ACTR3C: variants seen among roughly 807,000 people sequenced by gnomAD.
The protein encoded by ACTR3C is actin-related protein 3C.
In ACTR3C, 18 loss-of-function variants were observed where a neutral mutation model predicts 26.3. That is an observed-to-expected ratio of 0.68 (90% CI 0.47 to 1.01). The LOEUF (loss-of-function observed/expected upper bound fraction) is 1.01, where lower values mean the gene tolerates loss of function less well. Among genes scored for constraint, ACTR3C ranks in the 50% least tolerant of loss-of-function variants. The pLI is 0.00. For missense variants in ACTR3C, 184 were observed against 250.7 expected (o/e 0.73, Z 1.80); for synonymous variants, 55 against 94.5 (o/e 0.58, Z 2.42).
At chr7:149,953,299 T>G in the ACTR3C span, among the ~76,000 whole-genome samples, 3 of 149,540 alleles carry the variant, frequency 2.0e-5, no homozygotes, top group African/African-American at 7.7e-5. Context: ...AGAAAGAATT[T>G]TGCCAACTTG....
chr7:150,041,737 G>C, the ACTR3C span, among the ~76,000 whole-genome samples: 2 of 145,782 alleles, frequency 1.4e-5, no homozygotes, highest in East Asian at 2.1e-4. Context: ...CTGCGATGGG[G>C]GTCCTAAGAG....
downstream of ACTR3C, among the ~76,000 whole-genome samples, chr7:150,242,478 A>G (rs533229724): frequency 6.2e-4 from 94 of 151,336 alleles, no homozygotes; most frequent in Middle Eastern, 0.01. Flanking sequence ...AAACATGTAT[A>G]AAATTGCATC....
chr7:149,969,944 G>A, the ACTR3C span, among the ~76,000 whole-genome samples: 1 of 152,136 alleles, frequency 6.6e-6, no homozygotes, highest in Admixed American at 6.5e-5. Context: ...CCAAGGAGCT[G>A]GAAGGGGTGG....
chr7:150,267,324 A>T (rs1834116304), intron 6 of ACTR3C, among the ~76,000 whole-genome samples: 1 of 152,284 alleles, frequency 6.6e-6, no homozygotes, highest in African/African-American at 2.4e-5. Context: ...AAATTCCAGA[A>T]ATAAACACTT....
chr7:150,166,812 C>T, the ACTR3C span, among the ~76,000 whole-genome samples: 1,108 of 150,746 alleles, frequency 7.4e-3, 95 homozygotes, highest in African/African-American at 0.027. Flanking sequence ...GTCCCCTCAA[C>T]ACCTTTCCCA....
At chr7:150,022,125 C>T in the ACTR3C span, among the ~76,000 whole-genome samples, 2 of 151,680 alleles carry the variant, frequency 1.3e-5, no homozygotes, top group African/African-American at 4.9e-5. Context: ...TCCATGCCAA[C>T]ATCTATTATT....
At chr7:149,901,509 C>T in the ACTR3C span, among the ~76,000 whole-genome samples, 1 of 128,810 alleles carries the variant, frequency 7.8e-6, no homozygotes, top group Non-Finnish European at 1.7e-5. Context: ...TCCTATTAAT[C>T]TATAATTATT....
the ACTR3C span, among the ~76,000 whole-genome samples, chr7:150,186,005 C>T: frequency 6.6e-6 from 1 of 152,172 alleles, no homozygotes; most frequent in East Asian, 1.9e-4. Flanking sequence ...AAGCAAATTT[C>T]AGGGCTATTT....
At chr7:149,906,408 GTTTCTTTTTTTTTT>G in the ACTR3C span, among the ~76,000 whole-genome samples, 687 of 90,710 alleles carry the variant, frequency 7.6e-3, 30 homozygotes, top group African/African-American at 0.034. Context: ...TGTGGGGTTT[GTTTCTTTTTTTTTT>G]TTTTTTTTTT....
the ACTR3C span, among the ~76,000 whole-genome samples, chr7:150,130,666 A>C: frequency 6.6e-6 from 1 of 152,246 alleles, no homozygotes; most frequent in African/African-American, 2.4e-5. Flanking sequence ...AAATTTTCAC[A>C]GAATTGCCTA....
At chr7:150,018,541 G>A in the ACTR3C span, among the ~76,000 whole-genome samples, 1 of 149,764 alleles carries the variant, frequency 6.7e-6, no homozygotes, top group Non-Finnish European at 1.5e-5. Flanking sequence ...TGATTCCAAA[G>A]CTTTTCATGT....
In ACTR3C at chr7:150,295,348, C is replaced by G; in HGVS notation, c.-51-1G>C. The G allele has an allele frequency of 6.2e-7, 1 of 1,612,538 alleles. No individual in the cohort carries two copies. On this transcript the variant is annotated splice_acceptor_variant, in intron 1 of 7. Transcript: ENST00000683684. LOFTEE classifies it low-confidence loss of function (5UTR_SPLICE). ...CTGGTGTATTGAGTGGAGGTTCTGT[C>G]TGTAAGAAAACATTCACTATATTTA...
the ACTR3C span, among the ~76,000 whole-genome samples, chr7:149,957,679 T>C: frequency 6.6e-6 from 1 of 151,720 alleles, no homozygotes; most frequent in Non-Finnish European, 1.5e-5. Context: ...ACTGCCAGCT[T>C]CCCCCATTCT....
chr7:150,239,113 C>T (rs1832031692), downstream of ACTR3C, among the ~76,000 whole-genome samples: 1 of 151,948 alleles, frequency 6.6e-6, no homozygotes, highest in Non-Finnish European at 1.5e-5. Context: ...TTCTGACTGC[C>T]CCACACACTT....
intron 1 of ACTR3C, among the ~76,000 whole-genome samples, chr7:150,319,704 C>G (rs1455660728): frequency 1.3e-5 from 2 of 152,188 alleles, no homozygotes; most frequent in Non-Finnish European, 2.9e-5. Flanking sequence ...TTGACAATTA[C>G]TCTGCATTTT....
At chr7:149,992,166 G>A in the ACTR3C span, among the ~76,000 whole-genome samples, 1 of 152,260 alleles carries the variant, frequency 6.6e-6, no homozygotes, top group Admixed American at 6.5e-5. Context: ...ATGTGTACAG[G>A]CAGATGCCTG....
At chr7:150,032,695 A>T in the ACTR3C span, among the ~76,000 whole-genome samples, 1 of 138,736 alleles carries the variant, frequency 7.2e-6, no homozygotes. Flanking sequence ...TGTCAGCACC[A>T]CATCCCAGAT....
the ACTR3C span, among the ~76,000 whole-genome samples, chr7:150,021,884 G>C: frequency 6.6e-6 from 1 of 151,362 alleles, no homozygotes; most frequent in Non-Finnish European, 1.5e-5. Context: ...TGAACATTTA[G>C]GCTGGTTCCA....
the ACTR3C span, among the ~76,000 whole-genome samples, chr7:150,034,340 T>C: frequency 1.3e-5 from 2 of 151,638 alleles, no homozygotes; most frequent in East Asian, 1.9e-4. Flanking sequence ...CTGCCATCTT[T>C]TCTCTCTCTG....
Sources: gnomAD v4.1 joint callset for allele counts (sites outside exome capture counted in the v4.1 genomes callset) on GRCh38, gnomAD v4.1.1 for gene constraint, MANE v1.5 for transcripts, NCBI Gene and HGNC (gene_info 2026-07-23, HGNC 2026-07-21) for gene names.